COL12A1: variants seen among roughly 807,000 people sequenced by gnomAD.
COL12A1 encodes the protein collagen alpha-1(XII) chain.
In COL12A1, 114 loss-of-function variants were observed where a neutral mutation model predicts 349.7. The ratio of observed to expected loss-of-function variants is 0.33; its 90% CI spans 0.28 to 0.38. COL12A1 has a LOEUF of 0.38. Among genes scored for constraint, COL12A1 ranks in the 10% least tolerant of loss-of-function variants. COL12A1 has a pLI of 1.00. For synonymous variants in COL12A1, 1,369 were observed against 1,329.0 expected, an observed-to-expected ratio of 1.03 and a Z score of -0.66; for missense variants, 3,284 against 3,756.9, an observed-to-expected ratio of 0.87 and a Z score of 3.29.
At chr6:75,174,171 T>G (rs758733402) in intron 13 of COL12A1, among the ~76,000 whole-genome samples, 1 of 152,244 alleles carries the variant, frequency 6.6e-6, no homozygotes, top group Non-Finnish European at 1.5e-5. Flanking sequence ...TGCTCCAGTC[T>G]TGCTGATGTT....
Position 75,189,207 on chromosome 6 carries a change from C to G in COL12A1, c.823+10G>C. ...TGTAAAATGGAAATAATTAACTGAA[C>G]TTAACCTACCCAAGGAGAAAACTTC... On this transcript the variant is annotated intron_variant, in intron 7 of 65. Coordinates refer to ENST00000322507, the MANE Select transcript of COL12A1 (RefSeq NM_004370.6). The G allele has an allele frequency of 6.2e-7, 1 of 1,611,530 alleles. No individual in the cohort carries two copies. The highest frequency in any genetic ancestry group is 8.5e-7 in the Non-Finnish European group (1 of 1,178,850).
In COL12A1 at chr6:75,183,158, G is replaced by T. The variant is rs370544100; in HGVS notation, c.1783C>A (p.His595Asn). ...TCAAAATCTTCCACTGTGAACACAT[G>T]GGTCTCTGCAGGAGGAGAGGCAATA... ...EAIASPPAET[H>N]VFTVEDFDAF... The change falls in exon 10 of 66, where the codon CAT becomes AAT. Residue 595 changes from histidine (H) to asparagine (N), a missense_variant. Around this residue, in one of 2 missense-constraint regions of COL12A1, gnomAD observed 2,601 missense variants for 2,824.8 expected, o/e 0.92. Transcript: ENST00000322507. 1.4e-5 allele frequency: 23 copies of T among 1,614,130 alleles called. No individual in the cohort carries two copies. Among genetic ancestry groups the T allele is most frequent in the Non-Finnish European group, 1.9e-5 (23 of 1,180,034 alleles).
At chr6:75,152,524 G>C (rs748117037) in intron 17 of COL12A1, 42 bp from the exon 18 acceptor site, 13 of 1,609,678 alleles carry the variant, frequency 8.1e-6, no homozygotes, top group Middle Eastern at 1.7e-4. Flanking sequence ...GAAGCAAATT[G>C]TTGGCAAGGG....
intron 41 of COL12A1, 69 bp from the exon 42 acceptor site, chr6:75,124,163 A>T: frequency 6.3e-7 from 1 of 1,594,352 alleles, no homozygotes; most frequent in Non-Finnish European, 8.6e-7. Flanking sequence ...TTTATATCGC[A>T]TTGTTATAAA....
chr6:75,202,698 G>A (rs1371749728), intron 2 of COL12A1, 22 bp downstream of exon 2: 1 of 1,549,564 alleles, frequency 6.5e-7, no homozygotes, highest in Admixed American at 2.0e-5. Flanking sequence ...GTCACTCGGT[G>A]AAGGGGAAGG....
At chr6:75,135,490 A>G (rs972776963) in intron 31 of COL12A1, among the ~76,000 whole-genome samples, 5 of 152,238 alleles carry the variant, frequency 3.3e-5, no homozygotes, top group Admixed American at 1.3e-4. Flanking sequence ...TATGGAGCTT[A>G]AAGTTTTTAT....
chr6:75,128,529 T>C, intron 37 of COL12A1, 104 bp from the exon 38 acceptor site: 1 of 995,892 alleles, frequency 1.0e-6, no homozygotes, highest in East Asian at 3.1e-5. Context: ...AGTAGTTTTT[T>C]TCACATTTTA....
intron 17 of COL12A1, among the ~76,000 whole-genome samples, chr6:75,153,346 C>G (rs1767586834): frequency 6.6e-6 from 1 of 151,996 alleles, no homozygotes; most frequent in South Asian, 2.1e-4. Context: ...AGTGTACAAG[C>G]TACAAAATAA....
chr6:75,143,503 T>A lies in COL12A1; in HGVS notation c.4691-115A>T. 9 of 1,113,642 alleles carry A rather than the reference T, an allele frequency of 8.1e-6. No individual in the cohort carries two copies. In the Admixed American group the frequency reaches 9.4e-5, roughly 12 times the overall value. 69.0% of individuals were successfully genotyped at this position (1,113,642 alleles called of 1,614,324 possible). On this transcript the variant is annotated intron_variant, in intron 25 of 65. Coordinates refer to ENST00000322507, the MANE Select transcript of COL12A1 (RefSeq NM_004370.6). ...GAAAATTTAAAGGTGTTTGGCAAAA[T>A]AACTGAAAAAAATGATTATGATGAT... is the stretch of plus-strand genomic sequence containing the variant.
rs541295054 is a variant in COL12A1, at chr6:75,115,938, G to T, written c.7559-16C>A. On this transcript the variant is annotated splice_polypyrimidine_tract_variant and intron_variant, in intron 48 of 65. Transcript: ENST00000322507. ...ATTTTAAAACCTTTACATCAGAAAAGAAAATATTAAACGGAGTACATTTTA... is the reference window on the plus strand; with the variant it reads ...ATTTTAAAACCTTTACATCAGAAAATAAAATATTAAACGGAGTACATTTTA... 4 of 1,611,794 alleles carry T rather than the reference G, an allele frequency of 2.5e-6. No individual in the cohort carries two copies. Among genetic ancestry groups the T allele is most frequent in the Middle Eastern group, 1.7e-4 (1 of 6,012 alleles).
At chr6:75,173,767 T>C (rs1768767025) in intron 13 of COL12A1, among the ~76,000 whole-genome samples, 1 of 152,204 alleles carries the variant, frequency 6.6e-6, no homozygotes, top group Non-Finnish European at 1.5e-5. Context: ...ATGTCCTGTC[T>C]CATTAATTAC....
At chr6:75,202,571 G>T in intron 2 of COL12A1, 149 bp downstream of exon 2, 1 of 718,650 alleles carries the variant, frequency 1.4e-6, no homozygotes, top group South Asian at 1.8e-5. Context: ...AACCTCAGGA[G>T]AAAGGGGCGT....
intron 11 of COL12A1, among the ~76,000 whole-genome samples, chr6:75,178,832 T>C (rs991586482): frequency 6.6e-6 from 1 of 152,018 alleles, no homozygotes; most frequent in African/African-American, 2.4e-5. Flanking sequence ...AGGAAGTATA[T>C]CTCTCTAGAA....
At chr6:75,149,679 C>G (rs1767384476) in intron 21 of COL12A1, among the ~76,000 whole-genome samples, 1 of 152,112 alleles carries the variant, frequency 6.6e-6, no homozygotes, top group African/African-American at 2.4e-5. Flanking sequence ...CGTATAAACT[C>G]TTTCTACTTT....
At chr6:75,112,589 AG>A (rs1582067833) in intron 51 of COL12A1, among the ~76,000 whole-genome samples, 1 of 151,730 alleles carries the variant, frequency 6.6e-6, no homozygotes, top group East Asian at 1.9e-4. Context: ...GACAATCCCT[AG>A]AATGCATCTT....
chr6:75,157,103 G>A (rs1213407846), intron 14 of COL12A1, among the ~76,000 whole-genome samples: 1 of 152,074 alleles, frequency 6.6e-6, no homozygotes, highest in Non-Finnish European at 1.5e-5. Flanking sequence ...ATTTCAGAAA[G>A]CACTATCTGT....
Position 75,124,045 on chromosome 6 carries a change from G to A in COL12A1, c.6774C>T (p.Cys2258=), listed in dbSNP as rs781120781. The part of the protein sequence containing the change: ...ITVRGSETSH[C]FTGLSPDTDY... ...CAGTGTCTGGTGAAAGGCCAGTGAAGCAGTGACTGGTTTCTGATCCACGCA... is the reference window on the plus strand; with the variant it reads ...CAGTGTCTGGTGAAAGGCCAGTGAAACAGTGACTGGTTTCTGATCCACGCA... Residue 2258 remains cysteine, a synonymous_variant, in exon 42 of 66, where the codon TGC becomes TGT. Transcript: ENST00000322507. 44 of 1,613,968 alleles carry A rather than the reference G, an allele frequency of 2.7e-5. No individual in the cohort carries two copies. The highest frequency in any genetic ancestry group is 3.6e-5 in the Non-Finnish European group (42 of 1,179,862).
chr6:75,152,321 GT>G lies in COL12A1; in HGVS notation c.3715+11del, dbSNP rs775773965. 6.2e-7 allele frequency: 1 copy of G among 1,613,550 alleles called. No individual in the cohort carries two copies. Among genetic ancestry groups the G allele is most frequent in the Admixed American group, 1.7e-5 (1 of 59,924 alleles). On this transcript the variant is annotated intron_variant, in intron 18 of 65. Transcript: ENST00000322507. ...AAAATGTCTAAATGGCTCCAATGTT[GT>G]CAGAACCTACCAATTTGTACTCTTT... is the stretch of plus-strand genomic sequence containing the variant.
At chr6:75,135,613 C>T (rs1354450414) in intron 31 of COL12A1, among the ~76,000 whole-genome samples, 2 of 152,152 alleles carry the variant, frequency 1.3e-5, no homozygotes, top group African/African-American at 4.8e-5. Flanking sequence ...ATGAAAATGG[C>T]ACACTGCCCA....
Sources: gnomAD v4.1 joint callset for allele counts (sites outside exome capture counted in the v4.1 genomes callset) on GRCh38, gnomAD v4.1.1 for gene constraint, gnomAD v4.1.1 regional missense constraint, MANE v1.5 for transcripts, NCBI Gene and HGNC (gene_info 2026-07-23, HGNC 2026-07-21) for gene names.